TMPRSS13: variants seen among roughly 807,000 people sequenced by gnomAD.
The protein encoded by TMPRSS13 is transmembrane protease serine 13.
In TMPRSS13, 50 loss-of-function variants were observed where a neutral mutation model predicts 68.4. That is an observed-to-expected ratio of 0.73 (90% CI 0.58 to 0.93). TMPRSS13 has a LOEUF of 0.93. Among genes scored for constraint, TMPRSS13 ranks in the 40% least tolerant of loss-of-function variants. TMPRSS13 has a pLI of 0.00. For missense variants in TMPRSS13, 615 were observed against 729.2 expected, an observed-to-expected ratio of 0.84 and a Z score of 1.80; for synonymous variants, 267 against 285.8, an observed-to-expected ratio of 0.93 and a Z score of 0.66.
intron 12 of TMPRSS13, among the ~76,000 whole-genome samples, chr11:117,902,629 G>A (rs763778918): frequency 3.9e-5 from 6 of 152,332 alleles, no homozygotes; most frequent in South Asian, 2.1e-4. Context: ...AATTCCTGCC[G>A]TGGAGGGAGG....
rs2057557994 is a variant in TMPRSS13 at position 117,914,662 on chromosome 11, AG to A, written c.557-149del. On this transcript the variant is annotated intron_variant, in intron 3 of 12. Coordinates refer to ENST00000524993, the MANE Select transcript of TMPRSS13 (RefSeq NM_001077263.3). The surrounding 1 kb of genome is among the most constrained non-coding windows in gnomAD (Gnocchi z 4.2). ...TCATCCCCCATCTGTATGGAGAGAA[AG>A]GCTGCTCAGGAATGCTCCAGAATGC... The A allele has an allele frequency of 7.0e-7, 1 of 1,424,556 alleles. No homozygotes were observed. Among genetic ancestry groups the A allele is most frequent in the Non-Finnish European group, 9.4e-7 (1 of 1,060,816 alleles). 88.2% of individuals were successfully genotyped at this position (1,424,556 alleles called of 1,614,324 possible). A position where few individuals can be genotyped will look rare whatever the true frequency, so the allele number is the denominator to read the frequency against.
At position 117,905,706 on chromosome 11, in the gene TMPRSS13, T is replaced by C; in HGVS notation, c.1313A>G (p.His438Arg). ...AHIHPACLPM[H>R]GQTFSLNETC... ...CTCATTGAGGCTAAAGGTCTGTCCA[T>C]GCATGGGGAGGCAAGCAGGGTGGAT... Residue 438 changes from histidine (H) to arginine (R), a missense_variant, in exon 10 of 13, where the codon CAT becomes CGT. Coordinates refer to ENST00000524993, the MANE Select transcript of TMPRSS13 (RefSeq NM_001077263.3). 1 of 1,604,918 alleles carries C rather than the reference T, an allele frequency of 6.2e-7. No homozygotes were observed. Among genetic ancestry groups the C allele is most frequent in the Non-Finnish European group, 8.5e-7 (1 of 1,174,706 alleles).
intron 9 of TMPRSS13, among the ~76,000 whole-genome samples, chr11:117,907,162 C>T (rs1028751402): frequency 2.6e-5 from 4 of 152,162 alleles, no homozygotes; most frequent in African/African-American, 9.7e-5. Context: ...TAGCCAAATA[C>T]AGCCTGGGTT....
At chr11:117,910,529 T>C (rs368637729) in intron 7 of TMPRSS13, 178 bp downstream of exon 7, 1 of 557,466 alleles carries the variant, frequency 1.8e-6, no homozygotes, top group Admixed American at 3.2e-5. Context: ...GAAGGGGAAA[T>C]GTTACCCTGG....
At chr11:117,921,096 C>T (rs1332046058) in intron 1 of TMPRSS13, among the ~76,000 whole-genome samples, 1 of 152,142 alleles carries the variant, frequency 6.6e-6, no homozygotes, top group East Asian at 1.9e-4. Flanking sequence ...TGGTTAGCCT[C>T]ATTTTATAGA....
At chr11:117,908,126 CT>C in intron 9 of TMPRSS13, 1 of 1,039,516 alleles carries the variant, frequency 9.6e-7, no homozygotes, top group Non-Finnish European at 1.2e-6. Context: ...TCAGATCGAC[CT>C]GGTTCCAATC....
chr11:117,904,917 C>T (rs58418825), intron 10 of TMPRSS13, among the ~76,000 whole-genome samples: 1,257 of 120,206 alleles, frequency 0.01, 24 homozygotes, highest in African/African-American at 0.034. Flanking sequence ...TTAATTGAGA[C>T]GGGTTTCACT....
chr11:117,925,645 AG>A (rs1437531401), intron 1 of TMPRSS13, among the ~76,000 whole-genome samples: 5 of 152,138 alleles, frequency 3.3e-5, no homozygotes, highest in Non-Finnish European at 7.4e-5. Context: ...GGTGCTGTCA[AG>A]GCCTCCACTT....
intron 1 of TMPRSS13, among the ~76,000 whole-genome samples, chr11:117,920,839 T>A (rs2057637925): frequency 2.6e-5 from 4 of 152,206 alleles, no homozygotes; most frequent in Admixed American, 2.6e-4. Context: ...CTGGGCTTGC[T>A]ATGGAAAAAT....
At chr11:117,918,995 C>G (rs1486704114) in intron 1 of TMPRSS13, among the ~76,000 whole-genome samples, 157 bp from the exon 2 acceptor site, 1 of 152,150 alleles carries the variant, frequency 6.6e-6, no homozygotes, top group Non-Finnish European at 1.5e-5. Flanking sequence ...GGACTGTGTC[C>G]AAGGATAGAA....
chr11:117,918,672 C>T lies in TMPRSS13; in HGVS notation c.188G>A (p.Gly63Asp), dbSNP rs780345187. Reference protein sequence around the residue: ...RASPAQASPAGTPPGRASPGR... With the variant: ...RASPAQASPADTPPGRASPGR... The stretch of plus-strand genomic sequence containing the variant: ...TGGAGATGCCCGGCCTGGAGGTGTA[C>T]CAGCTGGAGATGCCTGGGCTGGAGA... Residue 63 changes from glycine to aspartate, a missense_variant, in exon 2 of 13, where the codon GGT becomes GAT. Physicochemically the swap from Gly to Asp is moderately conservative, Grantham distance 94. Transcript: ENST00000524993. 11 of 1,593,896 alleles carry T rather than the reference C, an allele frequency of 6.9e-6. No homozygotes were observed. The highest frequency in any genetic ancestry group is 2.7e-5 in the African/African-American group (2 of 73,326).
At chr11:117,918,965 C>G in intron 1 of TMPRSS13, 127 bp from the exon 2 acceptor site, 1 of 1,317,118 alleles carries the variant, frequency 7.6e-7, no homozygotes, top group African/African-American at 1.5e-5. Flanking sequence ...GCCCCCCGGA[C>G]AAGGAAGCAT....
rs750233655 is a variant in TMPRSS13, at chr11:117,917,265, A to G, written c.461T>C (p.Leu154Pro). ...RATRESPGTS[L>P]PKFTWREGQK... The stretch of plus-strand genomic sequence containing the variant: ...GCCCTCCCGCCAGGTGAACTTGGGC[A>G]GGCTCGTACCTAGGAGCAGGGCGGC... The change falls in exon 3 of 13, where the codon CTG becomes CCG. Residue 154 changes from leucine to proline, a missense_variant. Coordinates refer to ENST00000524993, the MANE Select transcript of TMPRSS13 (RefSeq NM_001077263.3). 1 of 1,612,132 alleles carries G rather than the reference A, an allele frequency of 6.2e-7. No individual in the cohort carries two copies.
At chr11:117,920,753 T>C (rs922583726) in intron 1 of TMPRSS13, among the ~76,000 whole-genome samples, 3 of 152,180 alleles carry the variant, frequency 2.0e-5, no homozygotes, top group Non-Finnish European at 2.9e-5. Flanking sequence ...CCTCCCAAAG[T>C]GCTGGGGTTA....
Position 117,915,613 on chromosome 11 carries a change from G to A in TMPRSS13, c.557-1099C>T, listed in dbSNP as rs923927514. On this transcript the variant is annotated intron_variant, in intron 3 of 12. Transcript: ENST00000524993. This position sits in a 1 kb window ranked among gnomAD's most constrained non-coding sequence, Gnocchi z 4.9. ...TACTGGGCCGGGTTGGGAGTCAGGAGGCCTGGGCTCTAGTCCTGACCCCAC... is the reference window on the plus strand; with the variant it reads ...TACTGGGCCGGGTTGGGAGTCAGGAAGCCTGGGCTCTAGTCCTGACCCCAC... 1.3e-5 allele frequency among the ~76,000 whole-genome samples: 2 copies of A among 152,210 alleles called. No individual in the cohort carries two copies.
chr11:117,908,663 C>T lies in TMPRSS13; in HGVS notation c.1231G>A (p.Asp411Asn), dbSNP rs1214306807. 6.3e-7 allele frequency: 1 copy of T among 1,587,432 alleles called. No homozygotes were observed. Among genetic ancestry groups the T allele is most frequent in the South Asian group, 1.2e-5 (1 of 86,524 alleles). The change falls in exon 9 of 13, where the codon GAC becomes AAC. Residue 411 changes from aspartate (D) to asparagine (N), a missense_variant. Physicochemically the swap from Asp to Asn is conservative, Grantham distance 23. Transcript: ENST00000524993. ...CGCATGAGGGCGATGTCATAGTCGT[C>T]CTCCTCATCGGTGTAATTGCTGTTG... Reference protein sequence around the residue: ...IINSNYTDEEDDYDIALMRLS... With the variant: ...IINSNYTDEENDYDIALMRLS...
intron 9 of TMPRSS13, among the ~76,000 whole-genome samples, chr11:117,906,046 T>C (rs891950771): frequency 6.6e-6 from 1 of 152,260 alleles, no homozygotes; most frequent in African/African-American, 2.4e-5. Context: ...ACTGGGCAGC[T>C]GAGGGTCTCT....
rs1348528919 is a variant in TMPRSS13 at position 117,901,471 on chromosome 11, T to C, written c.*768A>G. The C allele has an allele frequency of 6.6e-6, 1 of 152,444 alleles. No homozygotes were observed. The highest frequency in any genetic ancestry group is 1.9e-4 in the East Asian group (1 of 5,206). The allele number at this position is 152,444 out of a possible 1,614,324, so 9.4% of individuals were successfully genotyped here. ...CTGTAGGACTCTAAAATACGACATT[T>C]CCCATGAATCCCCTGGGGGTCTTGG... is the stretch of plus-strand genomic sequence containing the variant. On this transcript the variant is annotated 3_prime_UTR_variant, in exon 13 of 13. Coordinates refer to ENST00000524993, the MANE Select transcript of TMPRSS13 (RefSeq NM_001077263.3).
chr11:117,914,455 T>A lies in TMPRSS13; in HGVS notation c.616A>T (p.Lys206Ter), dbSNP rs747964150. The change falls in exon 4 of 13, where the codon AAG becomes TAG. Residue 206 changes from lysine (K) to a stop codon, truncating the protein, a stop_gained. Transcript: ENST00000524993. LOFTEE classifies it high-confidence loss of function. This position sits in a 1 kb window ranked among gnomAD's most constrained non-coding sequence, Gnocchi z 4.2. Reference sequence around the variant, plus strand: ...ACCCCGTCACAGCGAACAGCGTGCTTGGGACAGCTCTCCCTCTGCTCCTTG... The same window carrying A: ...ACCCCGTCACAGCGAACAGCGTGCTAGGGACAGCTCTCCCTCTGCTCCTTG... ...RYKEQRESCP[K>*]HAVRCDGVVD... 6.2e-7 allele frequency: 1 copy of A among 1,613,888 alleles called. No homozygotes were observed. The highest frequency in any genetic ancestry group is 8.5e-7 in the Non-Finnish European group (1 of 1,179,986).
Sources: allele counts gnomAD v4.1 joint callset (sites outside exome capture counted in the v4.1 genomes callset), GRCh38; gene constraint gnomAD v4.1.1; non-coding constraint Gnocchi (gnomAD v3.1); transcripts MANE v1.5; gene names NCBI Gene and HGNC (gene_info 2026-07-23, HGNC 2026-07-21).